Variants in TAFA2 observed in about 807,000 individuals in gnomAD.
TAFA2 encodes TAFA chemokine like family member 2.
TAFA2 carries 7 observed loss-of-function variants against 18.8 expected under a neutral mutation model. The ratio of observed to expected loss-of-function variants is 0.37; its 90% CI spans 0.21 to 0.70. TAFA2 has a LOEUF of 0.70. Ranked by LOEUF, TAFA2 falls within the 30% of genes least tolerant of loss-of-function variation. The pLI, the probability that TAFA2 is intolerant of heterozygous loss-of-function variation, is 0.53. For synonymous variants in TAFA2, 60 were observed against 54.2 expected (o/e 1.11, Z -0.47); for missense variants, 122 against 158.1 (o/e 0.77, Z 1.23).
intron 1 of TAFA2, among the ~76,000 whole-genome samples, chr12:62,129,374 G>T (rs1298086500): frequency 6.6e-6 from 1 of 151,952 alleles, no homozygotes; most frequent in African/African-American, 2.4e-5. Context: ...TTGTCTATAA[G>T]AAGTAACAAT....
At chr12:62,153,980 T>C (rs1310120617) in intron 1 of TAFA2, among the ~76,000 whole-genome samples, 1 of 151,702 alleles carries the variant, frequency 6.6e-6, no homozygotes, top group African/African-American at 2.4e-5. Context: ...TGTTATGTTA[T>C]GTTGTTTTGT....
At position 61,912,466 on chromosome 12, in the gene TAFA2, T is replaced by C. The variant is rs116183274; in HGVS notation, c.-1-45040A>G. Among the ~76,000 whole-genome samples, 990 of 152,340 alleles carry C rather than the reference T, an allele frequency of 6.5e-3. 16 individuals carry two copies. The highest frequency in any genetic ancestry group is 0.023 in the African/African-American group (943 of 41,584). On this transcript the variant is annotated intron_variant, in intron 1 of 4. Coordinates refer to ENST00000416284, the MANE Select transcript of TAFA2 (RefSeq NM_178539.5). Reference sequence around the variant, plus strand: ...ATGCCTATTAGAAAATACAAATATATGTGGCTCATCTTATATTTTTCATCA... The same window carrying C: ...ATGCCTATTAGAAAATACAAATATACGTGGCTCATCTTATATTTTTCATCA...
chr12:61,997,641 G>T, intron 1 of TAFA2, among the ~76,000 whole-genome samples: 1 of 152,178 alleles, frequency 6.6e-6, no homozygotes, highest in South Asian at 2.1e-4. Flanking sequence ...CTGTGGGAGG[G>T]CAAGAGAGGA....
intron 4 of TAFA2, among the ~76,000 whole-genome samples, chr12:61,742,926 T>C (rs1868523616): frequency 1.3e-5 from 2 of 152,036 alleles, no homozygotes; most frequent in African/African-American, 4.8e-5. Context: ...TCAATTCTGT[T>C]GACCCATTGC....
chr12:61,868,720 T>C, intron 1 of TAFA2, among the ~76,000 whole-genome samples: 1 of 152,264 alleles, frequency 6.6e-6, no homozygotes, highest in Middle Eastern at 3.4e-3. Flanking sequence ...TTATGTATTT[T>C]AATACAGATA....
chr12:61,825,040 G>A (rs185503749), intron 2 of TAFA2, among the ~76,000 whole-genome samples: 71 of 152,178 alleles, frequency 4.7e-4, no homozygotes, highest in African/African-American at 1.6e-3. Flanking sequence ...CTTATGGATG[G>A]GTAATATCTC....
At chr12:61,972,681 A>G (rs1432928765) in intron 1 of TAFA2, among the ~76,000 whole-genome samples, 2 of 151,732 alleles carry the variant, frequency 1.3e-5, no homozygotes, top group East Asian at 3.9e-4. Flanking sequence ...TTTTTAAAAG[A>G]TCAAATAACT....
chr12:61,736,889 A>C (rs2120680424), intron 4 of TAFA2, among the ~76,000 whole-genome samples: 1 of 152,120 alleles, frequency 6.6e-6, no homozygotes, highest in Admixed American at 6.6e-5. Context: ...GAAATCCACT[A>C]AATCACATCA....
At chr12:62,240,511 G>A (rs7308137) in intron 1 of TAFA2, among the ~76,000 whole-genome samples, 12,491 of 151,860 alleles carry the variant, frequency 0.082, 669 homozygotes, top group Middle Eastern at 0.18. Context: ...GCTCACATAT[G>A]CTTTTAAATT....
intron 1 of TAFA2, among the ~76,000 whole-genome samples, chr12:61,956,147 A>G (rs1295621598): frequency 7.5e-6 from 1 of 133,694 alleles, no homozygotes; most frequent in Non-Finnish European, 1.8e-5. Context: ...AGTATCCTAT[A>G]GCAGAGTCAA....
At chr12:62,193,286 TTTACAAG>T (rs2062635416), upstream of TAFA2, among the ~76,000 whole-genome samples, 1 of 152,146 alleles carries the variant, frequency 6.6e-6, no homozygotes, top group Non-Finnish European at 1.5e-5. Context: ...CCCAGGAAAT[TTTACAAG>T]TCCTTTACAA....
chr12:62,059,524 G>C (rs978002582), intron 1 of TAFA2, among the ~76,000 whole-genome samples: 1 of 152,004 alleles, frequency 6.6e-6, no homozygotes. Context: ...AGAGATAGCA[G>C]AAGTTTAGCA....
intron 1 of TAFA2, among the ~76,000 whole-genome samples, chr12:61,889,696 G>A (rs1444846885): frequency 6.6e-6 from 1 of 152,152 alleles, no homozygotes; most frequent in East Asian, 1.9e-4. Flanking sequence ...CATCAGCAGT[G>A]CTTTTTAAAG....
At chr12:61,759,731 A>C (rs1228165282) in intron 2 of TAFA2, among the ~76,000 whole-genome samples, 1 of 152,030 alleles carries the variant, frequency 6.6e-6, no homozygotes, top group Non-Finnish European at 1.5e-5. Flanking sequence ...TGATATCCCA[A>C]AGCCCAAGTC....
At chr12:62,060,171 A>G (rs149883345) in intron 1 of TAFA2, among the ~76,000 whole-genome samples, 1,824 of 152,316 alleles carry the variant, frequency 0.012, 32 homozygotes, top group African/African-American at 0.042. Context: ...TGGGCTTTAG[A>G]CTTTGTCTCC....
At chr12:61,718,712 C>T (rs2120579277) in intron 4 of TAFA2, among the ~76,000 whole-genome samples, 1 of 152,186 alleles carries the variant, frequency 6.6e-6, no homozygotes, top group East Asian at 1.9e-4. Flanking sequence ...AGGTACTTTA[C>T]CTGCTAAATT....
intron 1 of TAFA2, among the ~76,000 whole-genome samples, chr12:62,165,115 C>T (rs1445356615): frequency 6.6e-6 from 1 of 152,072 alleles, no homozygotes; most frequent in African/African-American, 2.4e-5. Flanking sequence ...GAGGGCGAGA[C>T]TTCACATATC....
intron 1 of TAFA2, among the ~76,000 whole-genome samples, chr12:62,007,390 C>G (rs10877781): frequency 6.6e-6 from 1 of 151,914 alleles, no homozygotes; most frequent in Non-Finnish European, 1.5e-5. Context: ...TATTTATAAT[C>G]TGTATCTTCC....
intron 1 of TAFA2, among the ~76,000 whole-genome samples, chr12:62,208,436 G>A (rs1343403424): frequency 2.0e-5 from 3 of 151,774 alleles, no homozygotes; most frequent in Admixed American, 6.6e-5. Context: ...TAGTTCTGTA[G>A]TATAAGGCAG....
Sources: allele counts gnomAD v4.1 joint callset (sites outside exome capture counted in the v4.1 genomes callset), GRCh38; gene constraint gnomAD v4.1.1; transcripts MANE v1.5; gene names NCBI Gene and HGNC (gene_info 2026-07-23, HGNC 2026-07-21).